Variants in MAP4 observed in about 807,000 individuals in gnomAD.
The protein encoded by MAP4 is microtubule associated protein 4.
MAP4 carries 76 observed loss-of-function variants against 170.2 expected under a neutral mutation model. That is an observed-to-expected ratio of 0.45 (90% CI 0.37 to 0.54). The LOEUF is 0.54. MAP4 is among the 20% of genes least tolerant of loss of function. The probability of loss-of-function intolerance (pLI) is 0.00; values close to 1 mark genes in which losing one functional copy is unlikely to be tolerated. For missense variants in MAP4, 2,506 were observed against 2,748.0 expected (o/e 0.91, Z 1.97); for synonymous variants, 909 against 994.5 (o/e 0.91, Z 1.62).
intron 1 of MAP4, among the ~76,000 whole-genome samples, chr3:48,007,083 G>A (rs535716105): frequency 4.6e-5 from 7 of 152,304 alleles, no homozygotes; most frequent in East Asian, 1.9e-4. Flanking sequence ...ATCGCTTTTC[G>A]CTTCCGCAAG....
chr3:47,929,411 C>T (rs2100048041), intron 3 of MAP4, among the ~76,000 whole-genome samples: 2 of 151,886 alleles, frequency 1.3e-5, no homozygotes, highest in South Asian at 4.2e-4. Flanking sequence ...GAACGTGGTA[C>T]TGGAACAGAA....
intron 3 of MAP4, among the ~76,000 whole-genome samples, chr3:47,936,036 T>C (rs1345627289): frequency 6.6e-6 from 1 of 151,882 alleles, no homozygotes; most frequent in Admixed American, 6.6e-5. Context: ...AGTGGCCATC[T>C]TTCTCAACCC....
chr3:48,077,422 G>T (rs564666524), intron 1 of MAP4, among the ~76,000 whole-genome samples: 1 of 150,684 alleles, frequency 6.6e-6, no homozygotes, highest in South Asian at 2.1e-4. Flanking sequence ...CTCCAGCCTG[G>T]GCAACAAGAA....
intron 3 of MAP4, among the ~76,000 whole-genome samples, chr3:47,943,680 C>T (rs1285646451): frequency 6.6e-6 from 1 of 151,922 alleles, no homozygotes; most frequent in South Asian, 2.1e-4. Context: ...TATTTGACAT[C>T]CCTACAATGG....
Position 47,916,747 on chromosome 3 carries a change from T to C in MAP4, c.1080A>G (p.Ile360Met), listed in dbSNP as rs771249699. 3.7e-6 allele frequency: 6 copies of C among 1,614,114 alleles called. No homozygotes were observed. The highest frequency in any genetic ancestry group is 5.1e-6 in the Non-Finnish European group (6 of 1,180,012). Reference protein sequence around the residue: ...LLKETERASPIKMDLAPSKDM... With the variant: ...LLKETERASPMKMDLAPSKDM... ...CCTTGGAAGGGGCTAAGTCCATTTT[T>C]ATAGGAGATGCCCTCTCTGTTTCTT... The change falls in exon 7 of 21, where the codon ATA (isoleucine) becomes ATG (methionine). Residue 360 changes from isoleucine (I) to methionine (M), a missense_variant. Physicochemically the swap from Ile to Met is conservative, Grantham distance 10. Coordinates refer to ENST00000683076, the MANE Select transcript of MAP4 (RefSeq NM_001385682.1).
At chr3:47,953,948 A>G (rs1162799064) in intron 3 of MAP4, among the ~76,000 whole-genome samples, 1 of 151,702 alleles carries the variant, frequency 6.6e-6, no homozygotes, top group Non-Finnish European at 1.5e-5. Context: ...CAGGAGGCAG[A>G]GGTTGCAGTT....
intron 1 of MAP4, among the ~76,000 whole-genome samples, chr3:48,084,387 A>T (rs2100148052): frequency 1.6e-5 from 2 of 126,892 alleles, no homozygotes; most frequent in South Asian, 2.7e-4. Context: ...TCTCATCTCT[A>T]AAAAAAAAAA....
upstream of MAP4, among the ~76,000 whole-genome samples, chr3:48,021,161 C>T (rs2100110365): frequency 6.6e-6 from 1 of 152,096 alleles, no homozygotes; most frequent in Admixed American, 6.6e-5. Context: ...ACATCACACT[C>T]CCCCTTGTTA....
intron 1 of MAP4, among the ~76,000 whole-genome samples, chr3:48,055,181 C>CGT (rs1216752308): frequency 7.0e-3 from 235 of 33,606 alleles, no homozygotes; most frequent in African/African-American, 0.016. Flanking sequence ...AAAAAGTCTC[C>CGT]CTCTCCCTCT....
At chr3:48,088,462 C>T (rs923870685) in intron 1 of MAP4, among the ~76,000 whole-genome samples, 1 of 152,182 alleles carries the variant, frequency 6.6e-6, no homozygotes, top group African/African-American at 2.4e-5. Flanking sequence ...CGCGGCTCAG[C>T]CCCATCCAGA....
At chr3:47,857,778 AGCTCGCTATAACCTCC>A in intron 17 of MAP4, among the ~76,000 whole-genome samples, 1 of 151,792 alleles carries the variant, frequency 6.6e-6, no homozygotes, top group Admixed American at 6.6e-5. Context: ...GTACGATCTC[AGCTCGCTATAACCTCC>A]GCCTCCTGGG....
At chr3:47,891,367 G>A in intron 10 of MAP4, 1 of 1,535,926 alleles carries the variant, frequency 6.5e-7, no homozygotes, top group East Asian at 2.4e-5. Flanking sequence ...TAGACAAGAT[G>A]GGCAGTTTCC....
At chr3:47,969,527 C>G (rs1361142292) in intron 3 of MAP4, among the ~76,000 whole-genome samples, 1 of 152,100 alleles carries the variant, frequency 6.6e-6, no homozygotes, top group African/African-American at 2.4e-5. Flanking sequence ...GCAGACAAAT[C>G]TTATGTTAAG....
At chr3:48,017,739 T>A (rs2100108511), upstream of MAP4, among the ~76,000 whole-genome samples, 1 of 152,216 alleles carries the variant, frequency 6.6e-6, no homozygotes, top group South Asian at 2.1e-4. Flanking sequence ...TAAATTGTCT[T>A]ACCACCTTTT....
intron 1 of MAP4, among the ~76,000 whole-genome samples, chr3:48,058,218 C>T (rs2100133290): frequency 6.6e-6 from 1 of 152,186 alleles, no homozygotes; most frequent in South Asian, 2.1e-4. Context: ...AAAAATGACT[C>T]AGTCCTAGAC....
At chr3:48,036,840 C>T (rs1357994081) in intron 1 of MAP4, among the ~76,000 whole-genome samples, 1 of 152,136 alleles carries the variant, frequency 6.6e-6, no homozygotes, top group Admixed American at 6.6e-5. Context: ...GTGTGTAGAC[C>T]AGCTGTCTGA....
intron 8 of MAP4, among the ~76,000 whole-genome samples, chr3:47,913,233 G>C (rs1344222320): frequency 1.3e-5 from 2 of 152,086 alleles, no homozygotes; most frequent in Admixed American, 1.3e-4. Flanking sequence ...CCAAGATCCT[G>C]GCAAGAGTCT....
intron 10 of MAP4, among the ~76,000 whole-genome samples, chr3:47,893,940 A>G (rs571363011): frequency 6.6e-6 from 1 of 152,192 alleles, no homozygotes; most frequent in African/African-American, 2.4e-5. Flanking sequence ...GTCCCCAAGA[A>G]CTCACCTTCT....
chr3:47,938,831 C>T (rs928249945), intron 3 of MAP4, among the ~76,000 whole-genome samples: 9 of 152,196 alleles, frequency 5.9e-5, no homozygotes, highest in African/African-American at 1.9e-4. Context: ...TTCTTCAAGT[C>T]ACATCCTATT....
Sources: gnomAD v4.1 joint callset for allele counts (sites outside exome capture counted in the v4.1 genomes callset) on GRCh38, gnomAD v4.1.1 for gene constraint, MANE v1.5 for transcripts, NCBI Gene and HGNC (gene_info 2026-07-23, HGNC 2026-07-21) for gene names.